The following DIPK1C variants were observed in gnomAD, a reference collection of about 807,000 sequenced individuals.
DIPK1C encodes familial non-conventional Alzheimer's dementia.
DIPK1C carries 33 observed loss-of-function variants against 28.0 expected under a neutral mutation model. That is an observed-to-expected ratio of 1.18 (90% CI 0.89 to 1.58). DIPK1C has a LOEUF of 1.58. Among genes scored for constraint, DIPK1C ranks in the 40% most tolerant of loss-of-function variants. The pLI is 0.00. For synonymous variants in DIPK1C, 255 were observed against 248.8 expected (o/e 1.02, Z -0.23); for missense variants, 569 against 568.5 (o/e 1.00, Z -0.01).
At chr18:74,444,539 C>T (rs1986217095) in intron 2 of DIPK1C, among the ~76,000 whole-genome samples, 1 of 152,256 alleles carries the variant, frequency 6.6e-6, no homozygotes, top group Non-Finnish European at 1.5e-5. Context: ...ACAGGGATTG[C>T]TGGCTCCCAC....
At chr18:74,442,470 A>T (rs144079046) in intron 2 of DIPK1C, among the ~76,000 whole-genome samples, 1,930 of 152,196 alleles carry the variant, frequency 0.013, 41 homozygotes, top group African/African-American at 0.043. Context: ...CTGGGACTAC[A>T]GGTGCCCACC....
chr18:74,452,813 C>T (rs562166560), intron 1 of DIPK1C, among the ~76,000 whole-genome samples: 1 of 151,880 alleles, frequency 6.6e-6, no homozygotes, highest in South Asian at 2.1e-4. Context: ...TTTTTTAACT[C>T]AATAGAAGTT....
chr18:74,457,373 C>A (rs1243594056), upstream of DIPK1C: 5 of 798,512 alleles, frequency 6.3e-6, no homozygotes, highest in Non-Finnish European at 7.6e-6. Flanking sequence ...GGGGGAGGGG[C>A]CGCGCGAGGG....
rs895616564 is a variant in DIPK1C at position 74,455,730 on chromosome 18, AAAAAAG to A, written c.198+1326_198+1331del. ...GAGACAAGAGCAAAACTCCATAAAA[AAAAAAG>A]AAAAAGAAAAAGAAAAAAAAAACCA... is the stretch of plus-strand genomic sequence containing the variant. On this transcript the variant is annotated intron_variant, in intron 1 of 3. Coordinates refer to ENST00000343998, the MANE Select transcript of DIPK1C (RefSeq NM_001044369.3). Among the ~76,000 whole-genome samples, 85 of 149,932 alleles carry A rather than the reference AAAAAAG, an allele frequency of 5.7e-4. 2 individuals are homozygous for A. The highest frequency in any genetic ancestry group is 4.0e-4 in the Non-Finnish European group (27 of 67,364).
chr18:74,442,570 C>G (rs184650028), intron 2 of DIPK1C, among the ~76,000 whole-genome samples: 7 of 152,346 alleles, frequency 4.6e-5, no homozygotes, highest in Non-Finnish European at 1.0e-4. Context: ...ACCTCCTGAT[C>G]TGCCCGCCTC....
intron 3 of DIPK1C, among the ~76,000 whole-genome samples, chr18:74,437,918 G>A (rs1260036307): frequency 1.3e-5 from 2 of 152,120 alleles, no homozygotes; most frequent in Admixed American, 1.3e-4. Context: ...TTGAGACAAG[G>A]TCTCACTCTG....
rs1351834828 is a variant in DIPK1C, at chr18:74,456,987, G to T, written c.198+75C>A. 3 of 1,302,014 alleles carry T rather than the reference G, an allele frequency of 2.3e-6. No homozygotes were observed. In the African/African-American group the frequency reaches 4.7e-5, roughly 20 times the overall value. The allele number at this position is 1,302,014 out of a possible 1,614,324, so 80.7% of individuals were successfully genotyped here. ...CCACCGCCACCCAAGTCCCCGGGAA[G>T]GCTGGGGACCGGGAGCGGGTGTGAT... On this transcript the variant is annotated intron_variant, in intron 1 of 3. Coordinates refer to ENST00000343998, the MANE Select transcript of DIPK1C (RefSeq NM_001044369.3).
intron 3 of DIPK1C, among the ~76,000 whole-genome samples, chr18:74,441,002 C>T (rs1208706461): frequency 6.6e-6 from 1 of 152,190 alleles, no homozygotes; most frequent in Admixed American, 6.5e-5. Flanking sequence ...GTTTGTTTGG[C>T]CTGGCTGGGA....
In DIPK1C at chr18:74,436,631, TC is replaced by T; in HGVS notation, c.1129del (p.Glu377ArgfsTer35). On this transcript the variant is annotated frameshift_variant, in exon 4 of 4. Coordinates refer to ENST00000343998, the MANE Select transcript of DIPK1C (RefSeq NM_001044369.3). LOFTEE classifies it low-confidence loss of function (END_TRUNC). ...VSFQLQLQLQ[E>X]AVQECADPGV... is the part of the protein sequence containing the mutation. Reference sequence around the variant, plus strand: ...AGGGTCTGCACATTCCTGCACCGCCTCCTGTAACTGCAGCTGAAGCTGGAAA... The same window carrying T: ...AGGGTCTGCACATTCCTGCACCGCCTCTGTAACTGCAGCTGAAGCTGGAAA... 6.2e-7 allele frequency: 1 copy of T among 1,613,778 alleles called. No individual in the cohort carries two copies. The highest frequency in any genetic ancestry group is 8.5e-7 in the Non-Finnish European group (1 of 1,179,990).
At chr18:74,460,089 AAG>A, upstream of DIPK1C, among the ~76,000 whole-genome samples, 1 of 152,192 alleles carries the variant, frequency 6.6e-6, no homozygotes, top group Non-Finnish European at 1.5e-5. Flanking sequence ...TGTGGTGGCC[AAG>A]AGTCACCACA....
At chr18:74,458,661 T>TTTGGGTGTCACTCAATCAACAGCGGC (rs1168950134), upstream of DIPK1C, among the ~76,000 whole-genome samples, 1 of 12,704 alleles carries the variant, frequency 7.9e-5, no homozygotes, top group Admixed American at 1.1e-3. Flanking sequence ...TCAACAGCGG[T>TTTGGGTGTCACTCAATCAACAGCGGC]AAGGCCAGGT....
chr18:74,455,738 A>AAAAAG (rs1555699592), intron 1 of DIPK1C, among the ~76,000 whole-genome samples: 21 of 149,028 alleles, frequency 1.4e-4, no homozygotes, highest in Non-Finnish European at 2.5e-4. Flanking sequence ...AAAAAAAAGA[A>AAAAAG]AAAGAAAAAG....
chr18:74,446,613 T>G lies in DIPK1C; in HGVS notation c.869A>C (p.Asp290Ala). ...CCGACCTGCGCCACTTACTGTGAAG[T>G]CGCTCCGGATGGCAAAGTTTTCCGG... ...IKPENFAIRS[D>A]FTVVAIDVDM... is the part of the protein sequence containing the mutation. Residue 290 changes from aspartate to alanine, a missense_variant, in exon 2 of 4, where the codon GAC becomes GCC. By Grantham distance (126) the Asp-to-Ala change is moderately radical. Transcript: ENST00000343998. 1 of 1,456,584 alleles carries G rather than the reference T, an allele frequency of 6.9e-7. No homozygotes were observed. Among genetic ancestry groups the G allele is most frequent in the Non-Finnish European group, 9.1e-7 (1 of 1,098,532 alleles). 90.2% of individuals were successfully genotyped at this position (1,456,584 alleles called of 1,614,324 possible). A position where few individuals can be genotyped will look rare whatever the true frequency, so the allele number is the denominator to read the frequency against.
chr18:74,458,603 GGGGTTTGGGTGTCACTCAATCAACAGCA>G (rs71168489), upstream of DIPK1C, among the ~76,000 whole-genome samples: 2 of 132,538 alleles, frequency 1.5e-5, no homozygotes, highest in African/African-American at 2.9e-5. Context: ...ACAGACCCTT[GGGGTTTGGGTGTCACTCAATCAACAGCA>G]GGGTTTGGGT....
chr18:74,448,594 G>A lies in DIPK1C; in HGVS notation c.199-1311C>T, dbSNP rs1294133034. Among the ~76,000 whole-genome samples, 3 of 152,248 alleles carry A rather than the reference G, an allele frequency of 2.0e-5. No individual in the cohort carries two copies. The East Asian group carries it at 5.8e-4, about 29-fold the overall frequency. On this transcript the variant is annotated intron_variant, in intron 1 of 3. Transcript: ENST00000343998. Reference sequence around the variant, plus strand: ...CTTGCGTCACACTCCCTGCCTCCCTGCATGATGATTGTACTGGCCAAGAGG... The same window carrying A: ...CTTGCGTCACACTCCCTGCCTCCCTACATGATGATTGTACTGGCCAAGAGG...
intron 2 of DIPK1C, among the ~76,000 whole-genome samples, chr18:74,446,188 G>C (rs1986255853): frequency 6.6e-6 from 1 of 152,222 alleles, no homozygotes; most frequent in South Asian, 2.1e-4. Context: ...GGCAGCTTGA[G>C]AGCAGCCTCT....
At chr18:74,460,772 G>A (rs1275729466), upstream of DIPK1C, among the ~76,000 whole-genome samples, 1 of 152,200 alleles carries the variant, frequency 6.6e-6, no homozygotes, top group Non-Finnish European at 1.5e-5. Context: ...CTTGATAGGA[G>A]TTCATTCATT....
At chr18:74,451,901 C>A (rs187807600) in intron 1 of DIPK1C, among the ~76,000 whole-genome samples, 28 of 152,306 alleles carry the variant, frequency 1.8e-4, no homozygotes, top group African/African-American at 6.5e-4. Flanking sequence ...CCCAACAACC[C>A]CAGAGTAAGT....
At chr18:74,459,090 G>A (rs751617648), upstream of DIPK1C, among the ~76,000 whole-genome samples, 3 of 152,248 alleles carry the variant, frequency 2.0e-5, no homozygotes, top group Non-Finnish European at 2.9e-5. Context: ...ACAACAGAAC[G>A]AGACCCTGTA....
Sources: gnomAD v4.1 joint callset for allele counts (sites outside exome capture counted in the v4.1 genomes callset) on GRCh38, gnomAD v4.1.1 for gene constraint, MANE v1.5 for transcripts, NCBI Gene and HGNC (gene_info 2026-07-23, HGNC 2026-07-21) for gene names.